Variants in TPH1 observed in about 807,000 individuals in gnomAD.
The protein encoded by TPH1 is tryptophan hydroxylase 1.
A neutral mutation model predicts 49.5 loss-of-function variants in TPH1; 37 were observed. The observed-to-expected ratio is 0.75, with a 90% CI of 0.58 to 0.98. The LOEUF (loss-of-function observed/expected upper bound fraction) is 0.98. Ranked by LOEUF, TPH1 falls within the 50% of genes least tolerant of loss-of-function variation. The pLI, the probability that TPH1 is intolerant of heterozygous loss-of-function variation, is 0.00. For missense variants in TPH1, 487 were observed against 523.6 expected (o/e 0.93, Z 0.68); for synonymous variants, 160 against 182.1 (o/e 0.88, Z 0.98).
intron 1 of TPH1, chr11:18,041,073 C>G (rs1451310897): frequency 1.4e-5 from 4 of 283,112 alleles, no homozygotes; most frequent in South Asian, 3.6e-5. Flanking sequence ...TTCTTGCAGT[C>G]TTCCCAACTA....
intron 8 of TPH1, among the ~76,000 whole-genome samples, chr11:18,024,659 G>A (rs1343361113): frequency 6.6e-6 from 1 of 152,180 alleles, no homozygotes; most frequent in Admixed American, 6.5e-5. Context: ...TCAATGAACT[G>A]CCTGTTACAT....
At chr11:18,024,897 G>T (rs1847912791) in intron 8 of TPH1, among the ~76,000 whole-genome samples, 1 of 152,132 alleles carries the variant, frequency 6.6e-6, no homozygotes, top group African/African-American at 2.4e-5. Flanking sequence ...CCCTCATCCT[G>T]AGATGCATTT....
chr11:18,040,113 A>C (rs1206786045), intron 2 of TPH1, among the ~76,000 whole-genome samples: 1 of 149,256 alleles, frequency 6.7e-6, no homozygotes, highest in Non-Finnish European at 1.5e-5. Context: ...ATAAAATTTT[A>C]ATATTTTATT....
chr11:18,034,606 C>T lies in TPH1; in HGVS notation c.302-1232G>A, dbSNP rs1361120890. 3.3e-5 allele frequency among the ~76,000 whole-genome samples: 5 copies of T among 152,088 alleles called. No homozygotes were observed. The East Asian group carries it at 9.6e-4, about 29-fold the overall frequency. On this transcript the variant is annotated intron_variant, in intron 3 of 10. Transcript: ENST00000682019. ...CTGCCAGCCAGAAGTGGAGATATAT[C>T]AGTATTTTAATAATTATATAGCTGT... is the stretch of plus-strand genomic sequence containing the variant.
intron 2 of TPH1, among the ~76,000 whole-genome samples, chr11:18,036,658 C>A (rs1848050279): frequency 6.6e-6 from 1 of 152,148 alleles, no homozygotes; most frequent in African/African-American, 2.4e-5. Context: ...CCAAGTCAGC[C>A]TAAGATGGGG....
intron 1 of TPH1, among the ~76,000 whole-genome samples, chr11:18,044,696 T>C (rs1469971956): frequency 6.6e-6 from 1 of 152,114 alleles, no homozygotes; most frequent in Non-Finnish European, 1.5e-5. Flanking sequence ...ATATTTTGCC[T>C]TGTTACTTTT....
intron 4 of TPH1, among the ~76,000 whole-genome samples, chr11:18,032,834 C>G (rs919905001): frequency 1.3e-5 from 2 of 152,114 alleles, no homozygotes; most frequent in Non-Finnish European, 2.9e-5. Flanking sequence ...GCGCGAGCCA[C>G]TGCACCCGGC....
chr11:18,037,036 C>G (rs1848053702), intron 2 of TPH1, among the ~76,000 whole-genome samples: 1 of 151,982 alleles, frequency 6.6e-6, no homozygotes. Context: ...TTTCATGGAG[C>G]AGGTGGGAAC....
intron 10 of TPH1, among the ~76,000 whole-genome samples, chr11:18,022,579 A>G (rs1360587381): frequency 1.3e-5 from 2 of 152,238 alleles, no homozygotes; most frequent in Non-Finnish European, 2.9e-5. Flanking sequence ...AGAATTGGAA[A>G]GAAAACAATT....
Position 18,040,686 on chromosome 11 carries a change from T to C in TPH1, c.77A>G (p.Asn26Ser), listed in dbSNP as rs377128449. ...GRASLIFSLK[N>S]EVGGLIKALK... ...GGCTTTTATAAGTCCTCCAACTTCA[T>C]TCTTTAAGGAAAAAATGAGACTTGC... The change falls in exon 2 of 11, where the codon AAT (asparagine) becomes AGT (serine). Residue 26 changes from asparagine to serine, a missense_variant. Asn to Ser is a conservative substitution (Grantham distance 46, BLOSUM62 1). Transcript: ENST00000682019. 214 of 1,612,522 alleles carry C rather than the reference T, an allele frequency of 1.3e-4. No homozygotes were observed. The highest frequency in any genetic ancestry group is 1.7e-4 in the Non-Finnish European group (203 of 1,179,362).
intron 6 of TPH1, among the ~76,000 whole-genome samples, chr11:18,027,119 G>A (rs1847936489): frequency 6.6e-6 from 1 of 152,124 alleles, no homozygotes; most frequent in South Asian, 2.1e-4. Flanking sequence ...CTCTTGTAAA[G>A]TAGTCCCTTT....
intron 2 of TPH1, among the ~76,000 whole-genome samples, chr11:18,038,518 A>C (rs539156317): frequency 2.0e-5 from 3 of 152,240 alleles, no homozygotes; most frequent in Non-Finnish European, 4.4e-5. Context: ...TACATATCAA[A>C]CATGAGAGCA....
chr11:18,027,279 G>A (rs543917599), intron 6 of TPH1, among the ~76,000 whole-genome samples: 1 of 152,184 alleles, frequency 6.6e-6, no homozygotes, highest in South Asian at 2.1e-4. Flanking sequence ...CACAACTCTG[G>A]TATTCCACTT....
intron 3 of TPH1, among the ~76,000 whole-genome samples, chr11:18,033,786 T>C (rs1157635520): frequency 5.3e-5 from 8 of 152,222 alleles, no homozygotes; most frequent in Admixed American, 3.9e-4. Context: ...AGAAATCATT[T>C]GTCTTTGCCA....
At chr11:18,037,389 A>G (rs528992795) in intron 2 of TPH1, among the ~76,000 whole-genome samples, 2 of 152,078 alleles carry the variant, frequency 1.3e-5, no homozygotes, top group South Asian at 2.1e-4. Context: ...ATCAGGGAAC[A>G]TGAGCTAACA....
Position 18,018,604 on chromosome 11 carries a change from T to G in TPH1, c.*2387A>C, listed in dbSNP as rs1854320767. The G allele has an allele frequency of 7.5e-6, 1 of 134,082 alleles. No individual in the cohort carries two copies. The highest frequency in any genetic ancestry group is 2.3e-4 in the South Asian group (1 of 4,270). 8.3% of individuals were successfully genotyped at this position (134,082 alleles called of 1,614,324 possible). ...TGCCGTGAACCTGGGAGGTGGAGCT[T>G]GCAGTGAGCCAAGATCGCACCACTG... is the stretch of plus-strand genomic sequence containing the variant. On this transcript the variant is annotated 3_prime_UTR_variant, in exon 11 of 11. Coordinates refer to ENST00000682019, the MANE Select transcript of TPH1 (RefSeq NM_004179.3).
chr11:18,026,429 G>T, intron 7 of TPH1, 61 bp downstream of exon 7: 30 of 1,231,680 alleles, frequency 2.4e-5, no homozygotes, highest in Non-Finnish European at 3.6e-5. Flanking sequence ...AACCCATAAG[G>T]TAGATGCCAT....
intron 1 of TPH1, among the ~76,000 whole-genome samples, chr11:18,043,603 A>C (rs1239995728): frequency 6.7e-6 from 1 of 150,236 alleles, no homozygotes; most frequent in Non-Finnish European, 1.5e-5. Context: ...ACTCCGTCTC[A>C]AAAAACAAAA....
At chr11:18,021,545 T>C (rs558847140) in intron 10 of TPH1, among the ~76,000 whole-genome samples, 167 of 152,248 alleles carry the variant, frequency 1.1e-3, no homozygotes, top group African/African-American at 3.8e-3. Flanking sequence ...ATTACAACAC[T>C]TAACCACATA....
Sources: gnomAD v4.1 joint callset for allele counts (sites outside exome capture counted in the v4.1 genomes callset) on GRCh38, gnomAD v4.1.1 for gene constraint, MANE v1.5 for transcripts, NCBI Gene and HGNC (gene_info 2026-07-23, HGNC 2026-07-21) for gene names.